Variants in PCDHA1 observed in about 807,000 individuals in gnomAD.
PCDHA1 encodes the protein protocadherin alpha-1.
Under a neutral mutation model 61.3 loss-of-function variants are expected in PCDHA1, and 42 were observed. The observed-to-expected ratio is 0.69, with a 90% CI of 0.54 to 0.89. The LOEUF is 0.89. Among genes scored for constraint, PCDHA1 ranks in the 40% least tolerant of loss-of-function variants. The pLI, the probability that PCDHA1 is intolerant of heterozygous loss-of-function variation, is 0.00. For missense variants in PCDHA1, 1,256 were observed against 1,235.3 expected, an observed-to-expected ratio of 1.02 and a Z score of -0.25; for synonymous variants, 610 against 553.8, an observed-to-expected ratio of 1.10 and a Z score of -1.43.
intron 1 of PCDHA1, among the ~76,000 whole-genome samples, chr5:140,977,003 T>G (rs1382476176): frequency 6.6e-6 from 1 of 152,248 alleles, no homozygotes; most frequent in Non-Finnish European, 1.5e-5. Flanking sequence ...AGAAATCTTG[T>G]AACTGTGATT....
chr5:140,854,800 A>G (rs1032685213), intron 1 of PCDHA1: 4 of 149,738 alleles, frequency 2.7e-5, no homozygotes, highest in African/African-American at 9.8e-5. Flanking sequence ...GAGAGAAAAA[A>G]ATATTTTTAC....
At chr5:140,918,412 A>G (rs1335591362) in intron 1 of PCDHA1, among the ~76,000 whole-genome samples, 5 of 152,252 alleles carry the variant, frequency 3.3e-5, no homozygotes, top group Middle Eastern at 3.4e-3. Context: ...TCTGGCCAGG[A>G]CTTCCAGTAG....
chr5:140,907,932 A>T (rs1291390398), intron 1 of PCDHA1, among the ~76,000 whole-genome samples: 1 of 152,202 alleles, frequency 6.6e-6, no homozygotes, highest in Non-Finnish European at 1.5e-5. Context: ...GTCCATTCAC[A>T]TACCTTTTCC....
intron 1 of PCDHA1, among the ~76,000 whole-genome samples, chr5:140,889,720 T>G (rs1259294888): frequency 2.6e-5 from 4 of 152,240 alleles, no homozygotes; most frequent in African/African-American, 9.6e-5. Context: ...TCTTTGCTAC[T>G]GTCTCACTGA....
intron 1 of PCDHA1, among the ~76,000 whole-genome samples, chr5:140,961,560 AT>A (rs1223583703): frequency 1.4e-4 from 22 of 152,140 alleles, no homozygotes; most frequent in African/African-American, 4.6e-4. Flanking sequence ...CTTTTTTTAA[AT>A]TTTGTTTTGA....
intron 1 of PCDHA1, chr5:140,851,195 TAGTC>T (rs1233299239): frequency 1.2e-5 from 14 of 1,207,754 alleles, no homozygotes; most frequent in Non-Finnish European, 1.5e-5. Context: ...ATTTAGTTGT[TAGTC>T]ATTCATTAAA....
intron 3 of PCDHA1, among the ~76,000 whole-genome samples, chr5:140,984,328 G>A (rs1221209076): frequency 3.3e-5 from 5 of 152,156 alleles, no homozygotes; most frequent in African/African-American, 1.2e-4. Context: ...GGCAAATGTG[G>A]AATAGGAACC....
At chr5:140,807,454 G>T in intron 1 of PCDHA1, 1 of 1,607,652 alleles carries the variant, frequency 6.2e-7, no homozygotes, top group South Asian at 1.1e-5. Flanking sequence ...TGAATTCTCG[G>T]ATCGACCGGG....
intron 1 of PCDHA1, chr5:140,823,572 T>C (rs2150127027): frequency 1.2e-6 from 2 of 1,613,944 alleles, no homozygotes; most frequent in African/African-American, 1.3e-5. Context: ...TGGACCCTGA[T>C]TCGGGCTACA....
At chr5:140,817,430 G>A (rs1172581064) in intron 1 of PCDHA1, 2 of 152,156 alleles carry the variant, frequency 1.3e-5, no homozygotes, top group Non-Finnish European at 2.9e-5. Context: ...CCTGTGGAGG[G>A]TCTGGGGATT....
At chr5:140,832,401 T>C (rs1461467410) in intron 1 of PCDHA1, among the ~76,000 whole-genome samples, 2 of 152,204 alleles carry the variant, frequency 1.3e-5, no homozygotes, top group African/African-American at 4.8e-5. Flanking sequence ...GGTAGTGGTA[T>C]TTTCTGTTTT....
intron 1 of PCDHA1, chr5:140,836,500 C>T (rs2150262394): frequency 1.2e-6 from 2 of 1,613,882 alleles, no homozygotes; most frequent in African/African-American, 1.3e-5. Flanking sequence ...GCCATCTGCG[C>T]GGTGTCCAGT....
intron 1 of PCDHA1, among the ~76,000 whole-genome samples, chr5:140,926,169 G>C (rs1212199081): frequency 6.6e-6 from 1 of 151,734 alleles, no homozygotes; most frequent in Non-Finnish European, 1.5e-5. Flanking sequence ...GCAGGATCCA[G>C]CGCGGAAAGC....
At chr5:140,830,320 C>T (rs2150184888) in intron 1 of PCDHA1, 13 of 1,613,872 alleles carry the variant, frequency 8.1e-6, no homozygotes, top group African/African-American at 2.7e-5. Flanking sequence ...TGTGCTCCAG[C>T]GCAGTGGGGA....
rs113142258 is a variant in PCDHA1, at chr5:140,939,756, T to C, written c.2395-39193T>C. 3.3e-3 allele frequency among the ~76,000 whole-genome samples: 504 copies of C among 152,358 alleles called. 2 individuals carry two copies. Among genetic ancestry groups the C allele is most frequent in the African/African-American group, 0.012 (483 of 41,584 alleles). Reference sequence around the variant, plus strand: ...AGCTGTGTATCATTCATTGTCATTATATAGTATTTCAGGGTGTGAATGGTC... The same window carrying C: ...AGCTGTGTATCATTCATTGTCATTACATAGTATTTCAGGGTGTGAATGGTC... On this transcript the variant is annotated intron_variant, in intron 1 of 3. Transcript: ENST00000504120.
intron 1 of PCDHA1, among the ~76,000 whole-genome samples, chr5:140,833,648 T>C (rs1554133916): frequency 6.6e-6 from 1 of 152,200 alleles, no homozygotes. Flanking sequence ...GTTCACATGA[T>C]ACAAATTCTT....
At chr5:140,947,238 A>G (rs1252869330) in intron 1 of PCDHA1, among the ~76,000 whole-genome samples, 2 of 151,618 alleles carry the variant, frequency 1.3e-5, no homozygotes, top group Non-Finnish European at 3.0e-5. Flanking sequence ...GGAAAAAAAA[A>G]TAAGATAATC....
chr5:140,961,196 A>G (rs2095596614), intron 1 of PCDHA1, among the ~76,000 whole-genome samples: 2 of 152,150 alleles, frequency 1.3e-5, no homozygotes, highest in African/African-American at 4.8e-5. Context: ...GACCCTAGTG[A>G]GGTTGGTATT....
Position 140,929,287 on chromosome 5 carries a change from C to T in PCDHA1, c.2395-49662C>T, listed in dbSNP as rs782325052. On this transcript the variant is annotated intron_variant, in intron 1 of 3. Transcript: ENST00000504120. The stretch of plus-strand genomic sequence containing the variant: ...TTTGCCAATATCCTGTATTCAGATT[C>T]GGAATAGGAAAGGGGATCACGCTAA... 13 of 1,598,668 alleles carry T rather than the reference C, an allele frequency of 8.1e-6. No homozygotes were observed. In the East Asian group the frequency reaches 2.5e-4, roughly 30 times the overall value.
Sources: allele counts gnomAD v4.1 joint callset (sites outside exome capture counted in the v4.1 genomes callset), GRCh38; gene constraint gnomAD v4.1.1; transcripts MANE v1.5; gene names NCBI Gene and HGNC (gene_info 2026-07-23, HGNC 2026-07-21).